Variants in ATP6V0A1 observed in about 807,000 individuals in gnomAD.
ATP6V0A1 encodes the protein ATPase H+ transporting V0 subunit a1, also known as V-type proton ATPase 116 kDa subunit a 1.
ATP6V0A1 carries 43 observed loss-of-function variants against 105.4 expected under a neutral mutation model. That is an observed-to-expected ratio of 0.41 (90% CI 0.32 to 0.53). The LOEUF is 0.53. Among genes scored for constraint, ATP6V0A1 ranks in the 20% least tolerant of loss-of-function variants. The probability of loss-of-function intolerance (pLI) is 0.30; values close to 1 mark genes in which losing one functional copy is unlikely to be tolerated. For synonymous variants in ATP6V0A1, 362 were observed against 372.8 expected, an observed-to-expected ratio of 0.97 and a Z score of 0.33; for missense variants, 676 against 1,051.1, an observed-to-expected ratio of 0.64 and a Z score of 4.93.
rs1240670330 is a variant in ATP6V0A1 at position 42,495,064 on chromosome 17, ATTATT to A, written c.1351_1355del (p.Leu451AspfsTer14). 6.2e-7 allele frequency: 1 copy of A among 1,614,100 alleles called. No individual in the cohort carries two copies. Among genetic ancestry groups the A allele is most frequent in the Admixed American group, 1.7e-5 (1 of 60,010 alleles). Reference sequence around the variant, plus strand: ...TAGCACTGTGTTCAGTGGTCGATACATTATTTTATTGATGGGTGTGTTCTCCATGT... The same window carrying A: ...TAGCACTGTGTTCAGTGGTCGATACATTATTGATGGGTGTGTTCTCCATGT... On this transcript the variant is annotated frameshift_variant, in exon 13 of 22. Transcript: ENST00000343619. LOFTEE classifies it high-confidence loss of function.
At chr17:42,500,963 C>T in intron 16 of ATP6V0A1, 40 bp downstream of exon 16, 2 of 1,571,016 alleles carry the variant, frequency 1.3e-6, no homozygotes, top group Non-Finnish European at 8.8e-7. Flanking sequence ...GATGATTATA[C>T]TTGATCAGGA....
In ATP6V0A1 at chr17:42,470,133, C is replaced by T; in HGVS notation, c.338C>T (p.Thr113Ile). The T allele has an allele frequency of 6.2e-7, 1 of 1,610,758 alleles. No homozygotes were observed. ...GAAAATGAACTGAAGGAAATCAACA[C>T]AAACCAGGAAGCTCTGAAGAGAAAC... ...KIENELKEIN[T>I]NQEALKRNFL... Residue 113 changes from threonine to isoleucine, a missense_variant, in exon 5 of 22, where the codon ACA becomes ATA. Coordinates refer to ENST00000343619, the MANE Select transcript of ATP6V0A1 (RefSeq NM_001130021.3).
intron 9 of ATP6V0A1, among the ~76,000 whole-genome samples, chr17:42,486,442 C>A (rs1249163594): frequency 6.6e-6 from 1 of 151,658 alleles, no homozygotes; most frequent in Non-Finnish European, 1.5e-5. Context: ...TGGTATTAAG[C>A]CAGTGGAATG....
At position 42,483,149 on chromosome 17, in the gene ATP6V0A1, G is replaced by A; in HGVS notation, c.810+18G>A. On this transcript the variant is annotated intron_variant, in intron 9 of 21. Coordinates refer to ENST00000343619, the MANE Select transcript of ATP6V0A1 (RefSeq NM_001130021.3). ...TCCAAATGGTATGCAGAAGGCTGGA[G>A]GGAATTTGTTTTTGTGAAATACTGG... The A allele has an allele frequency of 6.8e-7, 1 of 1,466,552 alleles. No homozygotes were observed. The highest frequency in any genetic ancestry group is 9.1e-7 in the Non-Finnish European group (1 of 1,098,248). 90.8% of individuals were successfully genotyped at this position (1,466,552 alleles called of 1,614,324 possible).
chr17:42,472,730 A>T (rs1260256673), intron 5 of ATP6V0A1, among the ~76,000 whole-genome samples: 1 of 152,200 alleles, frequency 6.6e-6, no homozygotes, highest in Non-Finnish European at 1.5e-5. Context: ...TCTCAAAAAA[A>T]AAAATTGTTT....
rs1472458746 is a variant in ATP6V0A1 at position 42,495,151 on chromosome 17, T to G, written c.1432T>G (p.Ser478Ala). Residue 478 changes from serine to alanine, a missense_variant, in exon 13 of 22, where the codon TCC becomes GCC. Ser to Ala is a moderately conservative substitution (Grantham distance 99, BLOSUM62 1). Transcript: ENST00000343619. ...CAAGTCTCTTAATATCTTTGGGTCA[T>G]CCTGGAGTGTACGGCCGATGTTTAC... ...FSKSLNIFGS[S>A]WSVRPMFTYN... The G allele has an allele frequency of 6.2e-7, 1 of 1,614,188 alleles. No individual in the cohort carries two copies. The highest frequency in any genetic ancestry group is 1.3e-5 in the African/African-American group (1 of 75,064).
intron 19 of ATP6V0A1, among the ~76,000 whole-genome samples, chr17:42,512,591 TG>T (rs993016635): frequency 3.3e-5 from 5 of 152,120 alleles, no homozygotes; most frequent in African/African-American, 1.2e-4. Flanking sequence ...ATAGGCTAGG[TG>T]TCGACAGAGG....
intron 17 of ATP6V0A1, among the ~76,000 whole-genome samples, chr17:42,501,879 C>G (rs535784154): frequency 6.6e-6 from 1 of 151,948 alleles, no homozygotes; most frequent in South Asian, 2.1e-4. Context: ...ACTAAAAATA[C>G]AAAAATTAGC....
At chr17:42,480,894 T>C in intron 8 of ATP6V0A1, 145 bp downstream of exon 8, 1 of 648,184 alleles carries the variant, frequency 1.5e-6, no homozygotes, top group Admixed American at 3.7e-5. Flanking sequence ...TTTTAATCAA[T>C]TAGAAATAGC....
In ATP6V0A1 at chr17:42,494,453, T is replaced by G. The variant is rs1317586374; in HGVS notation, c.1294T>G (p.Ser432Ala). Residue 432 changes from serine (S) to alanine (A), a missense_variant, in exon 12 of 22, where the codon TCC (serine) becomes GCC (alanine). Physicochemically the swap from Ser to Ala is moderately conservative, Grantham distance 99. Around this residue, in one of 3 missense-constraint regions of ATP6V0A1, gnomAD observed 435 missense variants for 642.2 expected, o/e 0.68. Transcript: ENST00000343619. ...WMVLRESRIL[S>A]QKNENEMFST... ...GGTACTGAGGGAGAGCCGGATCCTT[T>G]CCCAGAAGAATGAGAATGAGGTAAT... 6.2e-7 allele frequency: 1 copy of G among 1,612,846 alleles called. No individual in the cohort carries two copies. The highest frequency in any genetic ancestry group is 1.3e-5 in the African/African-American group (1 of 74,874).
intron 17 of ATP6V0A1, among the ~76,000 whole-genome samples, chr17:42,505,037 T>C (rs1251352792): frequency 1.5e-5 from 2 of 132,650 alleles, no homozygotes; most frequent in African/African-American, 3.1e-5. Flanking sequence ...TGATAATCAC[T>C]TTTTTTTTTT....
chr17:42,520,751 C>T, intron 21 of ATP6V0A1: 2 of 450,822 alleles, frequency 4.4e-6, no homozygotes, highest in East Asian at 9.5e-5. Context: ...ACTTTTTTTG[C>T]ACATGCCTCT....
chr17:42,509,440 C>G (rs759372666), intron 19 of ATP6V0A1, among the ~76,000 whole-genome samples: 3 of 152,208 alleles, frequency 2.0e-5, no homozygotes, highest in African/African-American at 7.2e-5. Flanking sequence ...CTTCCTGACT[C>G]TCGGTCCTCT....
chr17:42,480,738 A>G lies in ATP6V0A1; in HGVS notation c.705A>G (p.Lys235=), dbSNP rs750456435. Residue 235 remains lysine, a synonymous_variant, in exon 8 of 22, where the codon AAA becomes AAG. Coordinates refer to ENST00000343619, the MANE Select transcript of ATP6V0A1 (RefSeq NM_001130021.3). ...ATCAGCTGAAAAACAGAGTCAAGAA[A>G]ATCTGTGAAGGGTAAGAGAGGCATG... The part of the protein sequence containing the change: ...QGDQLKNRVK[K]ICEGFRASLY... 5.6e-6 allele frequency: 9 copies of G among 1,613,736 alleles called. No homozygotes were observed. In the East Asian group the frequency reaches 1.8e-4, roughly 32 times the overall value.
In ATP6V0A1 at chr17:42,521,218, C is replaced by T. The variant is rs957097514; in HGVS notation, c.*98C>T. ...CCTGTTGGTTGTGATCTGTGGGCAC[C>T]AGCTCATTCGTGTCACCCTGTCTGT... On this transcript the variant is annotated 3_prime_UTR_variant, in exon 22 of 22. Coordinates refer to ENST00000343619, the MANE Select transcript of ATP6V0A1 (RefSeq NM_001130021.3). This position sits in a 1 kb window ranked among gnomAD's most constrained non-coding sequence, Gnocchi z 4.8. The T allele has an allele frequency of 9.1e-6, 10 of 1,102,736 alleles. No individual in the cohort carries two copies. The highest frequency in any genetic ancestry group is 1.3e-5 in the Non-Finnish European group (10 of 775,224). The allele number at this position is 1,102,736 out of a possible 1,614,324, so 68.3% of individuals were successfully genotyped here.
intron 5 of ATP6V0A1, among the ~76,000 whole-genome samples, chr17:42,473,182 C>T (rs1377946639): frequency 6.6e-6 from 1 of 152,186 alleles, no homozygotes; most frequent in Non-Finnish European, 1.5e-5. Flanking sequence ...CTAGTGGTAA[C>T]TTCTTTCGCC....
Position 42,500,854 on chromosome 17 carries a change from G to A in ATP6V0A1, c.1827G>A (p.Leu609=), listed in dbSNP as rs749878952. The A allele has an allele frequency of 1.9e-6, 3 of 1,614,126 alleles. No individual in the cohort carries two copies. Among genetic ancestry groups the A allele is most frequent in the East Asian group, 2.2e-5 (1 of 44,878 alleles). ...CCTCTGAGAATGCACCAAGCCTTCT[G>A]ATCCATTTCATAAACATGTTCCTCT... ...AHTSENAPSL[L]IHFINMFLFS... Residue 609 remains leucine, a synonymous_variant, in exon 16 of 22, where the codon CTG becomes CTA. Transcript: ENST00000343619.
intron 14 of ATP6V0A1, 113 bp downstream of exon 14, chr17:42,495,829 C>T (rs1460624914): frequency 1.1e-6 from 1 of 929,622 alleles, no homozygotes; most frequent in Non-Finnish European, 1.7e-6. Context: ...GGCATGGTCG[C>T]TCATGCCTGT....
chr17:42,479,545 T>C (rs2089227806), intron 7 of ATP6V0A1, among the ~76,000 whole-genome samples: 1 of 152,258 alleles, frequency 6.6e-6, no homozygotes, highest in African/African-American at 2.4e-5. Flanking sequence ...ACTAGTATTA[T>C]TTAGAAACCT....
Sources: allele counts gnomAD v4.1 joint callset (sites outside exome capture counted in the v4.1 genomes callset), GRCh38; gene constraint gnomAD v4.1.1; regional missense constraint gnomAD v4.1.1; non-coding constraint Gnocchi (gnomAD v3.1); transcripts MANE v1.5; gene names NCBI Gene and HGNC (gene_info 2026-07-23, HGNC 2026-07-21).